MCPH1: variants seen among roughly 807,000 people sequenced by gnomAD.
MCPH1 encodes microcephalin 1.
A neutral mutation model predicts 84.5 loss-of-function variants in MCPH1; 104 were observed. That is an observed-to-expected ratio of 1.23 (90% CI 1.05 to 1.45). MCPH1 has a LOEUF of 1.45. Ranked by LOEUF, MCPH1 falls within the 40% of genes most tolerant of loss-of-function variation. The pLI, the probability that MCPH1 is intolerant of heterozygous loss-of-function variation, is 0.00. For missense variants in MCPH1, 1,498 were observed against 1,005.7 expected (o/e 1.49, Z -6.62); for synonymous variants, 514 against 366.8 (o/e 1.40, Z -4.58).
chr8:6,412,661 C>T (rs543752934), intron 2 of MCPH1, among the ~76,000 whole-genome samples: 4 of 152,222 alleles, frequency 2.6e-5, no homozygotes, highest in East Asian at 1.9e-4. Flanking sequence ...TCTCAATTTT[C>T]GTCCTGTTTA....
chr8:6,572,657 G>C lies in MCPH1; in HGVS notation c.2215-48797G>C, dbSNP rs540586460. Among the ~76,000 whole-genome samples the C allele has an allele frequency of 3.0e-4, 46 of 152,342 alleles. 1 individual carries two copies. Among genetic ancestry groups the C allele is most frequent in the African/African-American group, 1.1e-3 (45 of 41,580 alleles). On this transcript the variant is annotated intron_variant, in intron 12 of 13. Transcript: ENST00000344683. ...ATACATAGACCTAGGAGCTGTCTCT[G>C]TATCCTCAGGTGATAAGGTTACTAC...
chr8:6,415,647 C>T lies in MCPH1; in HGVS notation c.233+764C>T, dbSNP rs143289094. On this transcript the variant is annotated intron_variant, in intron 3 of 13. Transcript: ENST00000344683. ...AGGATTACAGGTGTGAGCCACCGTG[C>T]GCGGCCCACACAGTTTTGATTACAG... 2.7e-3 allele frequency among the ~76,000 whole-genome samples: 404 copies of T among 152,152 alleles called. 2 individuals carry two copies. Among genetic ancestry groups the T allele is most frequent in the African/African-American group, 7.8e-3 (322 of 41,512 alleles).
chr8:6,609,819 G>GCC (rs11280683), intron 12 of MCPH1, among the ~76,000 whole-genome samples: 1,877 of 103,848 alleles, frequency 0.018, 117 homozygotes, highest in Middle Eastern at 0.056. Context: ...AATGCCCCCC[G>GCC]CCCCCCCCCC....
At chr8:6,568,246 GCTAGCTGAATGTGGAATGTGGAC>G (rs1826369611) in intron 12 of MCPH1, among the ~76,000 whole-genome samples, 1 of 117,294 alleles carries the variant, frequency 8.5e-6, no homozygotes, top group African/African-American at 4.6e-5. Context: ...TGGACCCATC[GCTAGCTGAATGTGGAATGTGGAC>G]CCATCGCTAG....
chr8:6,629,118 C>G (rs1563214902), intron 13 of MCPH1, among the ~76,000 whole-genome samples: 1 of 152,196 alleles, frequency 6.6e-6, no homozygotes, highest in African/African-American at 2.4e-5. Flanking sequence ...AATAAGGTAA[C>G]ATGAGGTCAT....
chr8:6,497,210 G>C (rs1037070974), intron 11 of MCPH1, among the ~76,000 whole-genome samples: 2 of 151,918 alleles, frequency 1.3e-5, no homozygotes, highest in Admixed American at 6.6e-5. Flanking sequence ...GCTGGGTGCG[G>C]TGGCTCACAC....
intron 2 of MCPH1, among the ~76,000 whole-genome samples, chr8:6,412,163 C>A (rs1324950961): frequency 1.3e-5 from 2 of 152,112 alleles, no homozygotes; most frequent in African/African-American, 4.8e-5. Context: ...GGAGAGGAAT[C>A]CGAATATAGG....
intron 12 of MCPH1, among the ~76,000 whole-genome samples, chr8:6,607,255 T>G (rs1442878983): frequency 6.6e-6 from 1 of 152,186 alleles, no homozygotes; most frequent in South Asian, 2.1e-4. Context: ...CAGAGAAGAA[T>G]CAGAACAAAC....
intron 12 of MCPH1, chr8:6,508,781 A>G (rs1814315853): frequency 8.7e-7 from 1 of 1,143,980 alleles, no homozygotes; most frequent in Non-Finnish European, 1.3e-6. Flanking sequence ...AAAAAAGTGA[A>G]AAACACATTT....
intron 11 of MCPH1, among the ~76,000 whole-genome samples, chr8:6,490,005 G>C (rs1362625653): frequency 6.6e-6 from 1 of 152,150 alleles, no homozygotes; most frequent in African/African-American, 2.4e-5. Flanking sequence ...CACACTGTTG[G>C]TCTTTCCTTT....
chr8:6,640,168 G>A (rs557438801), intron 13 of MCPH1, among the ~76,000 whole-genome samples: 1 of 151,554 alleles, frequency 6.6e-6, no homozygotes, highest in Non-Finnish European at 1.5e-5. Context: ...TCAATTTTAA[G>A]AGATTTTCTT....
Position 6,526,941 on chromosome 8 carries a change from C to A in MCPH1, c.2214+27012C>A, listed in dbSNP as rs1269304528. On this transcript the variant is annotated intron_variant, in intron 12 of 13. Coordinates refer to ENST00000344683, the MANE Select transcript of MCPH1 (RefSeq NM_024596.5). ...TATTTTATTTAAATATTAATATAAT[C>A]ATGTTTAATATTTTTGGTTTTACTT... is the stretch of plus-strand genomic sequence containing the variant. Among the ~76,000 whole-genome samples, 5 of 152,000 alleles carry A rather than the reference C, an allele frequency of 3.3e-5. No individual in the cohort carries two copies. The South Asian group carries it at 8.3e-4, about 25-fold the overall frequency.
At chr8:6,478,977 T>A (rs1563264420) in intron 10 of MCPH1, among the ~76,000 whole-genome samples, 1 of 152,154 alleles carries the variant, frequency 6.6e-6, no homozygotes, top group Non-Finnish European at 1.5e-5. Context: ...GAGATAAAAC[T>A]AAGAAGGCTG....
chr8:6,517,256 G>A (rs1169647406), intron 12 of MCPH1, among the ~76,000 whole-genome samples: 3 of 152,202 alleles, frequency 2.0e-5, no homozygotes, highest in Admixed American at 6.5e-5. Flanking sequence ...GGTGCATGGT[G>A]CAGGAACCTG....
chr8:6,458,471 CAA>C (rs544975666), intron 9 of MCPH1, among the ~76,000 whole-genome samples: 30 of 86,674 alleles, frequency 3.5e-4, no homozygotes, highest in South Asian at 1.9e-3. Flanking sequence ...GACTCCTTCT[CAA>C]AAAAAAAAAA....
rs758525473 is a variant in MCPH1, at chr8:6,439,019, T to G, written c.503T>G (p.Ile168Ser). 1 of 1,612,190 alleles carries G rather than the reference T, an allele frequency of 6.2e-7. No individual in the cohort carries two copies. Among genetic ancestry groups the G allele is most frequent in the Non-Finnish European group, 8.5e-7 (1 of 1,178,454 alleles). ...GSLIYTPTIE[I>S]NSRHHSAMEK... is the part of the protein sequence containing the mutation. Reference sequence around the variant, plus strand: ...TTAATATATACTCCCACAATTGAAATTAATAGTAGGCACCACAGCGCAATG... The same window carrying G: ...TTAATATATACTCCCACAATTGAAAGTAATAGTAGGCACCACAGCGCAATG... Residue 168 changes from isoleucine to serine, a missense_variant, in exon 6 of 14, where the codon ATT (isoleucine) becomes AGT (serine). Transcript: ENST00000344683.
At chr8:6,573,748 G>T (rs150293165) in intron 12 of MCPH1, among the ~76,000 whole-genome samples, 2 of 152,276 alleles carry the variant, frequency 1.3e-5, no homozygotes, top group East Asian at 3.9e-4. Context: ...AAGTAAACCT[G>T]CCCACCCCAC....
At chr8:6,538,283 C>T (rs944873828) in intron 12 of MCPH1, among the ~76,000 whole-genome samples, 4 of 152,190 alleles carry the variant, frequency 2.6e-5, no homozygotes, top group African/African-American at 9.7e-5. Flanking sequence ...TACACACACA[C>T]ATACACGTTT....
chr8:6,521,200 C>T, intron 12 of MCPH1: 2 of 1,613,632 alleles, frequency 1.2e-6, no homozygotes, highest in Non-Finnish European at 1.7e-6. Context: ...ACATCATAGT[C>T]AGTAAGTTAT....
Sources: gnomAD v4.1 joint callset for allele counts (sites outside exome capture counted in the v4.1 genomes callset) on GRCh38, gnomAD v4.1.1 for gene constraint, MANE v1.5 for transcripts, NCBI Gene and HGNC (gene_info 2026-07-23, HGNC 2026-07-21) for gene names.